CATSPERD: variants seen among roughly 807,000 people sequenced by gnomAD.
The protein encoded by CATSPERD is cation channel sperm-associated auxiliary subunit delta.
A neutral mutation model predicts 98.1 loss-of-function variants in CATSPERD; 86 were observed. That is an observed-to-expected ratio of 0.88 (90% CI 0.74 to 1.05). The LOEUF (loss-of-function observed/expected upper bound fraction) is 1.05, where lower values mean the gene tolerates loss of function less well. CATSPERD is among the 50% of genes least tolerant of loss of function. CATSPERD has a pLI of 0.00. For synonymous variants in CATSPERD, 394 were observed against 390.2 expected, an observed-to-expected ratio of 1.01 and a Z score of -0.12; for missense variants, 995 against 1,005.7, an observed-to-expected ratio of 0.99 and a Z score of 0.14.
chr19:5,749,960 C>T (rs1248926966), intron 11 of CATSPERD, among the ~76,000 whole-genome samples: 6 of 151,290 alleles, frequency 4.0e-5, no homozygotes, highest in Non-Finnish European at 5.9e-5. Context: ...CATGCCACCA[C>T]ACCAGGCTAA....
Position 5,736,140 on chromosome 19 carries a change from G to A in CATSPERD, c.392-998G>A, listed in dbSNP as rs1221394636. 3.3e-5 allele frequency among the ~76,000 whole-genome samples: 5 copies of A among 151,454 alleles called. No homozygotes were observed. In the South Asian group the frequency reaches 8.4e-4, roughly 26 times the overall value. ...TTGGCCAGGCTGGTCTTGAACTCCC[G>A]ACCTCAGGAGATCCGCCCACCTCTG... On this transcript the variant is annotated intron_variant, in intron 5 of 21. Coordinates refer to ENST00000381624, the MANE Select transcript of CATSPERD (RefSeq NM_152784.4).
At chr19:5,755,869 A>G (rs375689616) in intron 13 of CATSPERD, among the ~76,000 whole-genome samples, 2 of 151,884 alleles carry the variant, frequency 1.3e-5, no homozygotes, top group African/African-American at 2.4e-5. Context: ...ACTTGGGGCT[A>G]AGGCAGGAGG....
intron 20 of CATSPERD, among the ~76,000 whole-genome samples, chr19:5,773,678 A>G (rs12982357): frequency 0.87 from 130,733 of 150,640 alleles, 56,817 homozygotes; most frequent in Admixed American, 0.88. Flanking sequence ...CACCATGCCC[A>G]GCTAATTTTT....
At chr19:5,742,283 T>C (rs2056000489) in intron 7 of CATSPERD, among the ~76,000 whole-genome samples, 1 of 125,900 alleles carries the variant, frequency 7.9e-6, no homozygotes, top group Non-Finnish European at 1.7e-5. Flanking sequence ...TGTGTACGTG[T>C]GTGTGCGTGT....
chr19:5,739,594 G>C (rs994202696), intron 7 of CATSPERD, among the ~76,000 whole-genome samples, 155 bp downstream of exon 7: 2 of 151,998 alleles, frequency 1.3e-5, no homozygotes, highest in African/African-American at 4.8e-5. Context: ...CACTTTGGGA[G>C]GCTGAGGCAG....
chr19:5,766,813 C>G (rs1196234555), intron 17 of CATSPERD, among the ~76,000 whole-genome samples: 1 of 151,426 alleles, frequency 6.6e-6, no homozygotes, highest in East Asian at 2.0e-4. Flanking sequence ...CTGCCTCAGC[C>G]TCCCAAGTAG....
intron 20 of CATSPERD, among the ~76,000 whole-genome samples, chr19:5,773,831 C>T (rs2056693103): frequency 2.0e-5 from 3 of 151,606 alleles, no homozygotes; most frequent in South Asian, 2.1e-4. Context: ...TTCTATCATA[C>T]GAGTGATGTC....
At chr19:5,756,653 T>G (rs1473208115) in intron 13 of CATSPERD, among the ~76,000 whole-genome samples, 3 of 152,052 alleles carry the variant, frequency 2.0e-5, no homozygotes, top group African/African-American at 7.2e-5. Flanking sequence ...GTATATTAAA[T>G]GCATTTTCAG....
intron 18 of CATSPERD, 65 bp downstream of exon 18, chr19:5,768,307 A>G: frequency 8.2e-7 from 1 of 1,217,552 alleles, no homozygotes; most frequent in Non-Finnish European, 1.1e-6. Flanking sequence ...AAAAGCCAAG[A>G]GCAAATTAGG....
chr19:5,722,167 G>C (rs1014061721), intron 1 of CATSPERD, among the ~76,000 whole-genome samples: 3 of 151,974 alleles, frequency 2.0e-5, no homozygotes, highest in African/African-American at 7.2e-5. Flanking sequence ...CGTCGCCCAG[G>C]CTGGAGTACA....
At chr19:5,775,407 G>A (rs2144699577) in intron 20 of CATSPERD, 3 of 389,770 alleles carry the variant, frequency 7.7e-6, no homozygotes, top group African/African-American at 6.4e-5. Context: ...GGAGGCTGAG[G>A]TGGGTAGATC....
At chr19:5,724,924 C>T (rs1433432421) in intron 2 of CATSPERD, 62 bp downstream of exon 2, 1 of 1,491,734 alleles carries the variant, frequency 6.7e-7, no homozygotes, top group Non-Finnish European at 9.4e-7. Flanking sequence ...TCAGAGGTAA[C>T]ACTTCCTGGT....
intron 4 of CATSPERD, among the ~76,000 whole-genome samples, chr19:5,731,023 C>T (rs1406539029): frequency 1.4e-5 from 2 of 146,546 alleles, no homozygotes; most frequent in East Asian, 2.0e-4. Context: ...ACCCAGGAGG[C>T]GGAGCTTGTA....
chr19:5,778,191 G>C (rs1451912601), intron 21 of CATSPERD, among the ~76,000 whole-genome samples, 185 bp from the exon 22 acceptor site: 1 of 143,114 alleles, frequency 7.0e-6, no homozygotes, highest in Non-Finnish European at 1.5e-5. Flanking sequence ...TGGGTGACAA[G>C]AGAGGGACTC....
chr19:5,753,480 T>C (rs1404770745), intron 12 of CATSPERD: 3 of 218,834 alleles, frequency 1.4e-5, no homozygotes, highest in African/African-American at 2.4e-5. Flanking sequence ...GAGAATGGCA[T>C]GAACCCCGGA....
intron 15 of CATSPERD, among the ~76,000 whole-genome samples, chr19:5,762,058 A>ATTTTTTTTTT (rs869295948): frequency 5.8e-4 from 6 of 10,434 alleles, no homozygotes; most frequent in Non-Finnish European, 9.0e-4. Flanking sequence ...ATATATATAT[A>ATTTTTTTTTT]TTTTTTTTTT....
At chr19:5,723,454 G>A (rs1326107236) in intron 1 of CATSPERD, among the ~76,000 whole-genome samples, 2 of 138,788 alleles carry the variant, frequency 1.4e-5, no homozygotes, top group African/African-American at 5.3e-5. Flanking sequence ...ACCCTGCCCA[G>A]CTAATTTTTT....
intron 9 of CATSPERD, 50 bp downstream of exon 9, chr19:5,746,113 A>T (rs1568353970): frequency 6.6e-7 from 1 of 1,521,546 alleles, no homozygotes; most frequent in Non-Finnish European, 9.1e-7. Context: ...CCTCCTCCAG[A>T]GGGGCCGAGT....
intron 7 of CATSPERD, among the ~76,000 whole-genome samples, chr19:5,740,536 G>A (rs921770689): frequency 9.5e-5 from 14 of 147,654 alleles, no homozygotes; most frequent in Admixed American, 2.7e-4. Context: ...GCAGTGAGCC[G>A]AGATCGCACC....
Sources: gnomAD v4.1 joint callset for allele counts (sites outside exome capture counted in the v4.1 genomes callset) on GRCh38, gnomAD v4.1.1 for gene constraint, MANE v1.5 for transcripts, NCBI Gene and HGNC (gene_info 2026-07-23, HGNC 2026-07-21) for gene names.